POLR1D: variants seen among roughly 807,000 people sequenced by gnomAD.
POLR1D encodes the protein RNA polymerase I and III subunit D.
POLR1D carries 8 observed loss-of-function variants against 10.8 expected under a neutral mutation model. That is an observed-to-expected ratio of 0.74 (90% confidence interval 0.43 to 1.33). The LOEUF is 1.33. Ranked by LOEUF, POLR1D falls within the 40% of genes most tolerant of loss-of-function variation. The pLI, the probability that POLR1D is intolerant of heterozygous loss-of-function variation, is 0.01. For missense variants in POLR1D, 152 were observed against 161.7 expected (o/e 0.94, Z 0.32); for synonymous variants, 54 against 57.2 (o/e 0.94, Z 0.25).
At chr13:27,635,858 C>T (rs1033128769) in intron 1 of POLR1D, among the ~76,000 whole-genome samples, 3 of 151,706 alleles carry the variant, frequency 2.0e-5, no homozygotes, top group Admixed American at 6.6e-5. Context: ...CTAGTAGGTG[C>T]GGAACTGGGA....
At chr13:27,622,292 C>G in intron 1 of POLR1D, 1 of 554,664 alleles carries the variant, frequency 1.8e-6, no homozygotes. Flanking sequence ...GGCCTCTGCT[C>G]CTGAGGACGG....
downstream of POLR1D, among the ~76,000 whole-genome samples, chr13:27,625,609 G>C (rs991605926): frequency 2.0e-5 from 3 of 151,760 alleles, no homozygotes; most frequent in Non-Finnish European, 4.4e-5. Flanking sequence ...AGAGATCTAA[G>C]CTGGAGACAA....
At chr13:27,647,591 T>A (rs1375715065) in intron 1 of POLR1D, among the ~76,000 whole-genome samples, 1 of 152,158 alleles carries the variant, frequency 6.6e-6, no homozygotes, top group Non-Finnish European at 1.5e-5. Flanking sequence ...CTACACATAT[T>A]CTTTTGTACC....
chr13:27,623,063 C>T lies in POLR1D; in HGVS notation c.215C>T (p.Thr72Met), dbSNP rs749892311. The T allele has an allele frequency of 1.2e-5, 19 of 1,613,776 alleles. No homozygotes were observed. Among genetic ancestry groups the T allele is most frequent in the Middle Eastern group, 1.6e-4 (1 of 6,082 alleles). Residue 72 changes from threonine (T) to methionine (M), a missense_variant, in exon 2 of 2, where the codon ACG becomes ATG. By Grantham distance (81) the Thr-to-Met change is moderately conservative. Coordinates refer to ENST00000302979, the MANE Select transcript of POLR1D (RefSeq NM_015972.4). ...GAAGTGGAATTTTGTGGTTACACTACGACCCATCCTTCAGAGAGCAAAATT... is the reference window on the plus strand; with the variant it reads ...GAAGTGGAATTTTGTGGTTACACTATGACCCATCCTTCAGAGAGCAAAATT... ...NPEVEFCGYT[T>M]THPSESKINL...
At chr13:27,631,467 C>A (rs1593280464) in intron 1 of POLR1D, among the ~76,000 whole-genome samples, 1 of 152,190 alleles carries the variant, frequency 6.6e-6, no homozygotes, top group Non-Finnish European at 1.5e-5. Flanking sequence ...AGAGCGAGTA[C>A]ATGAGGGTCT....
At chr13:27,644,431 G>A (rs1728914258) in intron 1 of POLR1D, among the ~76,000 whole-genome samples, 1 of 152,184 alleles carries the variant, frequency 6.6e-6, no homozygotes, top group Non-Finnish European at 1.5e-5. Context: ...ATGATCAGTT[G>A]ACATTCCTTA....
At chr13:27,640,268 G>C (rs1005533918) in intron 1 of POLR1D, among the ~76,000 whole-genome samples, 4 of 152,146 alleles carry the variant, frequency 2.6e-5, no homozygotes, top group African/African-American at 7.2e-5. Context: ...TGTCAGTGGA[G>C]ATCCAGTGCT....
At chr13:27,636,771 G>A (rs1484385332) in intron 1 of POLR1D, among the ~76,000 whole-genome samples, 1 of 152,078 alleles carries the variant, frequency 6.6e-6, no homozygotes, top group African/African-American at 2.4e-5. Context: ...GGTCTCAATT[G>A]GGTACCTATT....
intron 2 of POLR1D, among the ~76,000 whole-genome samples, chr13:27,656,670 G>C (rs1313257889): frequency 6.6e-6 from 1 of 152,184 alleles, no homozygotes; most frequent in Non-Finnish European, 1.5e-5. Flanking sequence ...CAGTGGTGTG[G>C]TTTGCTCTGT....
intron 2 of POLR1D, among the ~76,000 whole-genome samples, chr13:27,654,800 A>G (rs1316286402): frequency 6.6e-6 from 1 of 152,242 alleles, no homozygotes. Flanking sequence ...CTGGAAGTGC[A>G]TGGTGGTAAA....
intron 2 of POLR1D, among the ~76,000 whole-genome samples, chr13:27,662,707 C>T (rs11619605): frequency 0.033 from 5,008 of 152,196 alleles, 130 homozygotes; most frequent in Non-Finnish European, 0.054. Context: ...GTGGGGGAAA[C>T]GAATGCAAAG....
At chr13:27,662,222 T>C (rs541118695) in intron 2 of POLR1D, among the ~76,000 whole-genome samples, 2 of 152,326 alleles carry the variant, frequency 1.3e-5, no homozygotes, top group Non-Finnish European at 2.9e-5. Context: ...GAGCTATGTG[T>C]ACTCTTTCTC....
At chr13:27,662,387 T>C (rs1956373270) in intron 2 of POLR1D, among the ~76,000 whole-genome samples, 1 of 151,620 alleles carries the variant, frequency 6.6e-6, no homozygotes, top group African/African-American at 2.4e-5. Context: ...ACTCTGTACT[T>C]GTTCAACATG....
chr13:27,639,518 G>A (rs1326703773), intron 1 of POLR1D, among the ~76,000 whole-genome samples: 1 of 152,018 alleles, frequency 6.6e-6, no homozygotes, highest in Non-Finnish European at 1.5e-5. Flanking sequence ...ATTTACTCAG[G>A]TTTTATAATA....
intron 2 of POLR1D, among the ~76,000 whole-genome samples, chr13:27,656,821 G>GT (rs1395828458): frequency 1.0e-4 from 7 of 70,198 alleles, no homozygotes; most frequent in South Asian, 5.8e-4. Flanking sequence ...CATTTTGATA[G>GT]TAAAAAAAGG....
At chr13:27,642,925 CA>C (rs1462915824) in intron 1 of POLR1D, among the ~76,000 whole-genome samples, 1 of 152,174 alleles carries the variant, frequency 6.6e-6, no homozygotes, top group East Asian at 1.9e-4. Context: ...ATGAAATCAA[CA>C]AAGGATCTCA....
At chr13:27,665,863 C>G (rs1593297005) in exon 3 of POLR1D, 1 of 1,614,154 alleles carries the variant, frequency 6.2e-7, no homozygotes, top group Admixed American at 1.7e-5. Context: ...CTTACAAGCA[C>G]AGCTTCCGCG....
chr13:27,666,045 TGA>T (rs1171046794), exon 3 of POLR1D: 19 of 1,157,600 alleles, frequency 1.6e-5, no homozygotes, highest in Non-Finnish European at 2.4e-5. Context: ...GGCAAACACC[TGA>T]GAGTGACTTT....
chr13:27,665,466 A>G, intron 2 of POLR1D: 1 of 573,962 alleles, frequency 1.7e-6, no homozygotes, highest in Admixed American at 3.0e-5. Context: ...AGAAAGGTTT[A>G]AAGTGTTCCA....
Sources: gnomAD v4.1 joint callset for allele counts (sites outside exome capture counted in the v4.1 genomes callset) on GRCh38, gnomAD v4.1.1 for gene constraint, MANE v1.5 for transcripts, NCBI Gene and HGNC (gene_info 2026-07-23, HGNC 2026-07-21) for gene names.